GNA12: variants seen among roughly 807,000 people sequenced by gnomAD.
GNA12 encodes the protein G protein subunit alpha 12.
Under a neutral mutation model 26.0 loss-of-function variants are expected in GNA12, and 9 were observed. The ratio of observed to expected loss-of-function variants is 0.35; its 90% CI spans 0.21 to 0.60. GNA12 has a LOEUF of 0.60. GNA12 is among the 20% of genes least tolerant of loss of function. The pLI, the probability that GNA12 is intolerant of heterozygous loss-of-function variation, is 0.78. For synonymous variants in GNA12, 264 were observed against 219.6 expected, an observed-to-expected ratio of 1.20 and a Z score of -1.79; for missense variants, 405 against 525.8, an observed-to-expected ratio of 0.77 and a Z score of 2.25.
intron 2 of GNA12, among the ~76,000 whole-genome samples, chr7:2,741,041 T>C (rs959216184): frequency 6.8e-6 from 1 of 146,896 alleles, no homozygotes; most frequent in Non-Finnish European, 1.5e-5. Context: ...CGAGACTCCG[T>C]CTCAAAACAA....
intron 1 of GNA12, among the ~76,000 whole-genome samples, chr7:2,810,550 A>AC (rs1554262231): frequency 5.3e-5 from 8 of 150,442 alleles, no homozygotes; most frequent in Non-Finnish European, 1.0e-4. Context: ...TTTGTCAATA[A>AC]TTTTTTTTTT....
chr7:2,744,521 G>C (rs972389484), intron 2 of GNA12, among the ~76,000 whole-genome samples: 1 of 152,098 alleles, frequency 6.6e-6, no homozygotes, highest in African/African-American at 2.4e-5. Context: ...CCATCTGTAC[G>C]TCACCATCAT....
intron 2 of GNA12, among the ~76,000 whole-genome samples, chr7:2,768,666 T>TAAAA (rs924965749): frequency 6.5e-5 from 6 of 91,784 alleles, no homozygotes; most frequent in African/African-American, 1.8e-4. Flanking sequence ...GCTCTCAAGG[T>TAAAA]AAAAAAAAAA....
chr7:2,815,407 G>T, intron 1 of GNA12: 1 of 182,112 alleles, frequency 5.5e-6, no homozygotes, highest in Non-Finnish European at 1.1e-5. Context: ...AAACACTAAA[G>T]AAAACATGAG....
intron 2 of GNA12, among the ~76,000 whole-genome samples, chr7:2,753,973 T>G (rs139493913): frequency 2.2e-4 from 33 of 152,262 alleles, no homozygotes; most frequent in Middle Eastern, 3.4e-3. Context: ...CTTAGGTGCT[T>G]TGTTCACTTG....
intron 1 of GNA12, among the ~76,000 whole-genome samples, chr7:2,838,418 T>C (rs913787585): frequency 1.8e-4 from 27 of 151,910 alleles, no homozygotes; most frequent in Admixed American, 7.9e-4. Flanking sequence ...CTACAAAAAA[T>C]AAATATAGAT....
chr7:2,746,641 C>T (rs146850591), intron 2 of GNA12, among the ~76,000 whole-genome samples: 3,569 of 152,102 alleles, frequency 0.023, 95 homozygotes, highest in Middle Eastern at 0.075. Flanking sequence ...ATTCAAAAGC[C>T]AGCAGAAGGC....
At chr7:2,823,306 G>A (rs939025014) in intron 1 of GNA12, among the ~76,000 whole-genome samples, 1 of 152,140 alleles carries the variant, frequency 6.6e-6, no homozygotes, top group Admixed American at 6.5e-5. Context: ...TATATAAAAA[G>A]GCTACTTATC....
At chr7:2,751,509 G>A (rs75043971) in intron 2 of GNA12, among the ~76,000 whole-genome samples, 3,855 of 151,900 alleles carry the variant, frequency 0.025, 122 homozygotes, top group Middle Eastern at 0.075. Flanking sequence ...AGGTAAGCAG[G>A]AGAAAGAAAA....
intron 2 of GNA12, among the ~76,000 whole-genome samples, chr7:2,740,987 G>A (rs571884379): frequency 1.3e-5 from 2 of 152,352 alleles, no homozygotes; most frequent in East Asian, 3.9e-4. Context: ...AGAGCTTGCA[G>A]TGAGCTGAGA....
At chr7:2,784,310 G>A (rs550863423) in intron 2 of GNA12, among the ~76,000 whole-genome samples, 2 of 152,040 alleles carry the variant, frequency 1.3e-5, no homozygotes, top group Non-Finnish European at 2.9e-5. Context: ...GGGAGAGAAG[G>A]GGTTTTGCCC....
chr7:2,828,808 C>T (rs374744519), intron 1 of GNA12, among the ~76,000 whole-genome samples: 2 of 152,282 alleles, frequency 1.3e-5, no homozygotes, highest in African/African-American at 4.8e-5. Flanking sequence ...GTAATCCCAG[C>T]ATTTTGGGAG....
intron 2 of GNA12, among the ~76,000 whole-genome samples, chr7:2,745,918 A>G (rs1313604181): frequency 2.6e-5 from 4 of 152,244 alleles, no homozygotes; most frequent in African/African-American, 9.7e-5. Flanking sequence ...CAAAAGAGAC[A>G]AAGAAGGCCA....
At chr7:2,749,189 C>T (rs1202541342) in intron 2 of GNA12, among the ~76,000 whole-genome samples, 1 of 152,122 alleles carries the variant, frequency 6.6e-6, no homozygotes, top group African/African-American at 2.4e-5. Flanking sequence ...ATAAATCATG[C>T]TGCTATAAAG....
Position 2,745,583 on chromosome 7 carries a change from C to A in GNA12, c.526-12082G>T, listed in dbSNP as rs144665018. On this transcript the variant is annotated intron_variant, in intron 2 of 3. Transcript: ENST00000275364. The stretch of plus-strand genomic sequence containing the variant: ...CAATAACATACCAAATTGTAAAGAC[C>A]ATCAAGGCTAGGAAAAAACTGCATC... Among the ~76,000 whole-genome samples the A allele has an allele frequency of 4.6e-3, 706 of 152,326 alleles. 2 individuals are homozygous for A. Among genetic ancestry groups the A allele is most frequent in the Non-Finnish European group, 8.3e-3 (568 of 68,040 alleles).
chr7:2,736,933 G>A (rs1790211751), intron 2 of GNA12, among the ~76,000 whole-genome samples: 2 of 152,226 alleles, frequency 1.3e-5, no homozygotes, highest in Non-Finnish European at 2.9e-5. Context: ...CACAGGACCA[G>A]ACCCTCGAGA....
Position 2,734,256 on chromosome 7 carries a change from C to T in GNA12, c.526-755G>A, listed in dbSNP as rs993084252. On this transcript the variant is annotated intron_variant, in intron 2 of 3. Coordinates refer to ENST00000275364, the MANE Select transcript of GNA12 (RefSeq NM_007353.3). ...GAGCCGGGAGAGCGCAACCACCGACCACAGAGCAGCCCGCATATGAACAGG... is the reference window on the plus strand; with the variant it reads ...GAGCCGGGAGAGCGCAACCACCGACTACAGAGCAGCCCGCATATGAACAGG... 7.2e-5 allele frequency among the ~76,000 whole-genome samples: 11 copies of T among 152,188 alleles called. No homozygotes were observed. In the East Asian group the frequency reaches 1.9e-3, roughly 27 times the overall value.
At chr7:2,828,729 T>C (rs1032476249) in intron 1 of GNA12, among the ~76,000 whole-genome samples, 1 of 152,186 alleles carries the variant, frequency 6.6e-6, no homozygotes, top group Non-Finnish European at 1.5e-5. Flanking sequence ...TCTACTCCAA[T>C]GGAGTCTTCT....
intron 2 of GNA12, chr7:2,762,326 G>T (rs531349259): frequency 3.1e-6 from 1 of 326,178 alleles, no homozygotes; most frequent in Non-Finnish European, 5.6e-6. Flanking sequence ...CAGGCGCTGC[G>T]CGACTGCTGC....
Sources: allele counts gnomAD v4.1 joint callset (sites outside exome capture counted in the v4.1 genomes callset), GRCh38; gene constraint gnomAD v4.1.1; transcripts MANE v1.5; gene names NCBI Gene and HGNC (gene_info 2026-07-23, HGNC 2026-07-21).